LAMA3: variants seen among roughly 807,000 people sequenced by gnomAD.
The protein encoded by LAMA3 is laminin subunit alpha 3, also known as laminin subunit alpha-3.
Under a neutral mutation model 402.0 loss-of-function variants are expected in LAMA3, and 281 were observed. The observed-to-expected ratio is 0.70, with a 90% CI of 0.63 to 0.77. The LOEUF is 0.77. LAMA3 is among the 30% of genes least tolerant of loss of function. The pLI, the probability that LAMA3 is intolerant of heterozygous loss-of-function variation, is 0.00. For synonymous variants in LAMA3, 1,431 were observed against 1,558.4 expected (o/e 0.92, Z 1.93); for missense variants, 3,840 against 4,215.5 (o/e 0.91, Z 2.47).
chr18:23,907,989 G>A (rs1020377477), intron 54 of LAMA3, 54 bp downstream of exon 54: 26 of 1,566,318 alleles, frequency 1.7e-5, no homozygotes, highest in Non-Finnish European at 2.2e-5. Flanking sequence ...ATTGTTATGT[G>A]TTTTGGTCCA....
intron 1 of LAMA3, among the ~76,000 whole-genome samples, chr18:23,702,746 A>G (rs1450377090): frequency 6.6e-6 from 1 of 152,152 alleles, no homozygotes; most frequent in African/African-American, 2.4e-5. Flanking sequence ...AGGCACCCGC[A>G]GATTCAGATG....
intron 23 of LAMA3, 123 bp from the exon 24 acceptor site, chr18:23,833,705 G>A: frequency 9.6e-7 from 1 of 1,043,430 alleles, no homozygotes; most frequent in Non-Finnish European, 1.5e-6. Flanking sequence ...ATTCCTTACT[G>A]GGATGACATA....
chr18:23,831,831 T>G (rs2063495879), intron 23 of LAMA3, among the ~76,000 whole-genome samples: 1 of 152,198 alleles, frequency 6.6e-6, no homozygotes, highest in Non-Finnish European at 1.5e-5. Context: ...AAACCCACTT[T>G]CCATGTATTT....
rs985754058 is a variant in LAMA3 at position 23,826,791 on chromosome 18, C to A, written c.2661C>A (p.Pro887=). Residue 887 remains proline, a synonymous_variant, in exon 22 of 75, where the codon CCC becomes CCA. Transcript: ENST00000313654. ...AACCATGTGCCTACGCAGGACCTCC[C>A]CAAGAAAAGTCAGTGTGGGGCAGAA... is the stretch of plus-strand genomic sequence containing the variant. ...VTEPCAYAGP[P]QENCLLYQHL... 1.3e-6 allele frequency: 2 copies of A among 1,558,886 alleles called. No homozygotes were observed. Among genetic ancestry groups the A allele is most frequent in the Non-Finnish European group, 1.7e-6 (2 of 1,149,732 alleles).
At position 23,714,056 on chromosome 18, in the gene LAMA3, C is replaced by G. The variant is rs200911045; in HGVS notation, c.431C>G (p.Thr144Ser). 584 of 1,613,720 alleles carry G rather than the reference C, an allele frequency of 3.6e-4. 1 individual carries two copies. Among genetic ancestry groups the G allele is most frequent in the Non-Finnish European group, 4.5e-4 (530 of 1,179,962 alleles). Residue 144 changes from threonine (T) to serine (S), a missense_variant, in exon 2 of 75, where the codon ACC (threonine) becomes AGC (serine). Coordinates refer to ENST00000313654, the MANE Select transcript of LAMA3 (RefSeq NM_198129.4). Reference sequence around the variant, plus strand: ...ACACAGTACAACAGAGTCAACCTCACCTTGGATCTGGGGCAGGTGAGCTAC... The same window carrying G: ...ACACAGTACAACAGAGTCAACCTCAGCTTGGATCTGGGGCAGGTGAGCTAC... ...SGTQYNRVNL[T>S]LDLGQLFHVA...
Position 23,727,335 on chromosome 18 carries a change from T to C in LAMA3, c.447+13263T>C, listed in dbSNP as rs1236066163. Among the ~76,000 whole-genome samples the C allele has an allele frequency of 3.3e-5, 5 of 152,148 alleles. 1 individual carries two copies. Among genetic ancestry groups the C allele is most frequent in the Non-Finnish European group, 5.9e-5 (4 of 68,010 alleles). ...ATTGATTGATTGATTGATTGATTGA[T>C]TGATTTTTGAGATGGAGTCTCACTC... On this transcript the variant is annotated intron_variant, in intron 2 of 74. Coordinates refer to ENST00000313654, the MANE Select transcript of LAMA3 (RefSeq NM_198129.4).
chr18:23,779,057 G>C (rs930595674), intron 11 of LAMA3, among the ~76,000 whole-genome samples: 4 of 152,208 alleles, frequency 2.6e-5, no homozygotes, highest in African/African-American at 2.4e-5. Flanking sequence ...TGGGCCAAGG[G>C]TGTTCAGTGA....
intron 12 of LAMA3, among the ~76,000 whole-genome samples, chr18:23,798,635 C>T (rs374900130): frequency 7.9e-5 from 12 of 152,324 alleles, no homozygotes; most frequent in Admixed American, 2.0e-4. Flanking sequence ...TTGCCTTGAA[C>T]TGGCCCTTCC....
At chr18:23,897,857 G>A (rs188191673) in intron 44 of LAMA3, among the ~76,000 whole-genome samples, 6 of 152,202 alleles carry the variant, frequency 3.9e-5, no homozygotes, top group East Asian at 1.9e-4. Flanking sequence ...ACATTAGCTC[G>A]CTTATCACCA....
At chr18:23,705,567 C>T (rs1484540599) in intron 1 of LAMA3, among the ~76,000 whole-genome samples, 1 of 152,082 alleles carries the variant, frequency 6.6e-6, no homozygotes, top group Non-Finnish European at 1.5e-5. Context: ...CTCCATCACC[C>T]AGGCTGTAGT....
intron 12 of LAMA3, among the ~76,000 whole-genome samples, chr18:23,795,756 T>C (rs1311512212): frequency 6.6e-6 from 1 of 152,134 alleles, no homozygotes; most frequent in African/African-American, 2.4e-5. Flanking sequence ...TCTGCTATCT[T>C]GTATATTGGC....
intron 6 of LAMA3, among the ~76,000 whole-genome samples, chr18:23,755,195 G>A (rs2061822319): frequency 6.6e-6 from 1 of 152,182 alleles, no homozygotes; most frequent in Non-Finnish European, 1.5e-5. Flanking sequence ...ATGTCCCTGA[G>A]CCTGGAACAA....
intron 3 of LAMA3, 29 bp downstream of exon 3, chr18:23,748,089 A>G: frequency 8.6e-7 from 1 of 1,167,430 alleles, no homozygotes; most frequent in South Asian, 1.2e-5. Context: ...CATGTTATGC[A>G]TGGCTTTAAT....
intron 27 of LAMA3, among the ~76,000 whole-genome samples, chr18:23,841,062 T>C (rs1031802762): frequency 4.6e-5 from 7 of 152,216 alleles, no homozygotes; most frequent in African/African-American, 1.7e-4. Context: ...TCACAGTGCA[T>C]TGGATTTGGG....
intron 74 of LAMA3, 29 bp from the exon 75 acceptor site, chr18:23,954,474 A>T: frequency 6.2e-7 from 1 of 1,602,666 alleles, no homozygotes; most frequent in Non-Finnish European, 8.5e-7. Flanking sequence ...TGAATTATTT[A>T]CTGAATGCCT....
Position 23,894,601 on chromosome 18 carries a change from G to A in LAMA3, c.5461+253G>A, listed in dbSNP as rs1652002. Among the ~76,000 whole-genome samples the A allele has an allele frequency of 0.87, 132,971 of 152,224 alleles. 59,221 individuals carry two copies. Among genetic ancestry groups the A allele is most frequent in the Non-Finnish European group, 0.97 (65,875 of 68,028 alleles). Reference sequence around the variant, plus strand: ...CCTACCTTATAGGGATATTAGGGAAGTGCTTGTAAATGTCTTATCACAATG... The same window carrying A: ...CCTACCTTATAGGGATATTAGGGAAATGCTTGTAAATGTCTTATCACAATG... On this transcript the variant is annotated intron_variant, in intron 43 of 74. Coordinates refer to ENST00000313654, the MANE Select transcript of LAMA3 (RefSeq NM_198129.4).
At position 23,912,970 on chromosome 18, in the gene LAMA3, G is replaced by A. The variant is rs565951828; in HGVS notation, c.7329+89G>A. On this transcript the variant is annotated intron_variant, in intron 56 of 74. Transcript: ENST00000313654. ...AGATGTGTGGCACGGCTGCATCACT[G>A]CCATTAGCACAGCAGGCAGAAATCC... 3 of 1,195,174 alleles carry A rather than the reference G, an allele frequency of 2.5e-6. No homozygotes were observed. In the Admixed American group the frequency reaches 5.1e-5, roughly 20 times the overall value. The allele number at this position is 1,195,174 out of a possible 1,614,324, so 74.0% of individuals were successfully genotyped here. A position where few individuals can be genotyped will look rare whatever the true frequency, so the allele number is the denominator to read the frequency against.
chr18:23,909,051 G>T, intron 54 of LAMA3, 102 bp from the exon 55 acceptor site: 1 of 1,124,374 alleles, frequency 8.9e-7, no homozygotes, highest in East Asian at 2.4e-5. Flanking sequence ...CAACATCTGG[G>T]GACCAAACAT....
Position 23,700,845 on chromosome 18 carries a change from G to A in LAMA3, c.294+10868G>A, listed in dbSNP as rs886628514. Among the ~76,000 whole-genome samples, 9 of 152,120 alleles carry A rather than the reference G, an allele frequency of 5.9e-5. No individual in the cohort carries two copies. In the South Asian group the frequency reaches 1.0e-3, roughly 18 times the overall value. ...CCTGAGTAGCTGGAACTACAGGGGC[G>A]TGCCACCATGCCCAGCTAATTTTTG... On this transcript the variant is annotated intron_variant, in intron 1 of 74. Transcript: ENST00000313654.
Sources: gnomAD v4.1 joint callset for allele counts (sites outside exome capture counted in the v4.1 genomes callset) on GRCh38, gnomAD v4.1.1 for gene constraint, MANE v1.5 for transcripts, NCBI Gene and HGNC (gene_info 2026-07-23, HGNC 2026-07-21) for gene names.